SEMA4D: variants seen among roughly 807,000 people sequenced by gnomAD.
SEMA4D encodes the protein semaphorin-4D.
In SEMA4D, 22 loss-of-function variants were observed where a neutral mutation model predicts 74.8. The observed-to-expected ratio is 0.29, with a 90% CI of 0.21 to 0.42. The LOEUF (loss-of-function observed/expected upper bound fraction) is 0.42. Ranked by LOEUF, SEMA4D falls within the 10% of genes least tolerant of loss-of-function variation. The probability of loss-of-function intolerance (pLI) is 1.00; values close to 1 mark genes in which losing one functional copy is unlikely to be tolerated. For missense variants in SEMA4D, 937 were observed against 1,118.4 expected (o/e 0.84, Z 2.31); for synonymous variants, 445 against 463.7 (o/e 0.96, Z 0.52).
rs766668076 is a variant in SEMA4D at position 89,450,575 on chromosome 9, G to A, written c.-244+5313C>T. The A allele has an allele frequency of 5.0e-5, 46 of 924,700 alleles. 1 individual carries two copies. The South Asian group carries it at 5.8e-4, about 12-fold the overall frequency. The allele number at this position is 924,700 out of a possible 1,614,324, so 57.3% of individuals were successfully genotyped here. The stretch of plus-strand genomic sequence containing the variant: ...TGCAGATAACCAGTGGTCCCTTCCA[G>A]CCTGACCTCTATAAGTCTGAGATGA... On this transcript the variant is annotated intron_variant, in intron 2 of 15. Coordinates refer to ENST00000422704, the MANE Select transcript of SEMA4D (RefSeq NM_001371194.2).
At chr9:89,406,222 CAT>C (rs1320176930) in intron 2 of SEMA4D, among the ~76,000 whole-genome samples, 7 of 152,286 alleles carry the variant, frequency 4.6e-5, no homozygotes, top group East Asian at 1.9e-4. Context: ...TACACACACA[CAT>C]GCACGGATGT....
intron 16 of SEMA4D, among the ~76,000 whole-genome samples, chr9:89,372,050 C>CTG: frequency 1.4e-4 from 1 of 7,316 alleles, no homozygotes; most frequent in Non-Finnish European, 2.4e-4. Context: ...GTGTGTGTGT[C>CTG]GGGTGTGGTG....
intron 1 of SEMA4D, among the ~76,000 whole-genome samples, chr9:89,467,873 A>T (rs1163871378): frequency 6.6e-6 from 1 of 152,218 alleles, no homozygotes; most frequent in Non-Finnish European, 1.5e-5. Flanking sequence ...CCACAGCAGA[A>T]GCAGGGAGAG....
intron 2 of SEMA4D, among the ~76,000 whole-genome samples, chr9:89,421,142 T>TTAG (rs1245745971): frequency 6.6e-6 from 1 of 152,158 alleles, no homozygotes; most frequent in Non-Finnish European, 1.5e-5. Flanking sequence ...GAAGCAGGGC[T>TTAG]TAGGAACACT....
downstream of SEMA4D, among the ~76,000 whole-genome samples, chr9:89,375,249 G>A (rs1835633589): frequency 6.6e-6 from 1 of 152,208 alleles, no homozygotes; most frequent in South Asian, 2.1e-4. Flanking sequence ...ATGGAGACAT[G>A]AAGTCCTCTG....
At position 89,492,584 on chromosome 9, in the gene SEMA4D, T is replaced by C. The variant is rs755945545; in HGVS notation, c.-310+5335A>G. ...ACTATCTTGAGAGCCACACCATCCC[T>C]CTGAATCCTCACAACTCCTCCCCTG... On this transcript the variant is annotated intron_variant, in intron 1 of 15. Transcript: ENST00000422704. The surrounding 1 kb of genome is among the most constrained non-coding windows in gnomAD (Gnocchi z 4.3). Among the ~76,000 whole-genome samples, 4 of 152,074 alleles carry C rather than the reference T, an allele frequency of 2.6e-5. No individual in the cohort carries two copies. The highest frequency in any genetic ancestry group is 2.1e-4 in the South Asian group (1 of 4,828).
At chr9:89,471,595 T>TGCCAGCTCAGGTGCAC (rs144213209) in intron 1 of SEMA4D, among the ~76,000 whole-genome samples, 9,364 of 150,280 alleles carry the variant, frequency 0.062, 427 homozygotes, top group Admixed American at 0.15. Context: ...CTCAGATGCA[T>TGCCAGCTCAGGTGCAC]GCCAGCTCAG....
chr9:89,399,314 T>G lies in SEMA4D; in HGVS notation c.277A>C (p.Lys93Gln). ...HEVYWKVSEDKKAKCAEKGKS... is the reference protein window; with the variant it reads ...HEVYWKVSEDQKAKCAEKGKS... ...CCCTTTTCTGCACATTTTGCTTTTT[T>G]GTCTTCTGAGACCTTCCAATACACC... The change falls in exon 5 of 16, where the codon AAA becomes CAA. Residue 93 changes from lysine to glutamine, a missense_variant. Physicochemically the swap from Lys to Gln is moderately conservative, Grantham distance 53. Transcript: ENST00000422704. The G allele has an allele frequency of 6.2e-7, 1 of 1,613,834 alleles. No homozygotes were observed. Among genetic ancestry groups the G allele is most frequent in the Non-Finnish European group, 8.5e-7 (1 of 1,179,646 alleles).
chr9:89,497,211 C>G (rs1350949459), intron 1 of SEMA4D, among the ~76,000 whole-genome samples: 1 of 152,230 alleles, frequency 6.6e-6, no homozygotes, highest in East Asian at 1.9e-4. Context: ...AGAGCCAGCC[C>G]CTTGCAGCTC....
At chr9:89,374,873 C>T (rs913498364), downstream of SEMA4D, among the ~76,000 whole-genome samples, 2 of 152,034 alleles carry the variant, frequency 1.3e-5, no homozygotes, top group Non-Finnish European at 2.9e-5. Context: ...GCCAAGATGG[C>T]GAAACCCTGT....
At chr9:89,442,315 G>A (rs181421140) in intron 2 of SEMA4D, among the ~76,000 whole-genome samples, 24 of 152,346 alleles carry the variant, frequency 1.6e-4, no homozygotes, top group African/African-American at 5.3e-4. Context: ...CCACTGGCCC[G>A]CCTGTCAGAA....
intron 2 of SEMA4D, among the ~76,000 whole-genome samples, chr9:89,406,182 GCA>G (rs771135668): frequency 6.6e-6 from 1 of 152,140 alleles, no homozygotes; most frequent in Non-Finnish European, 1.5e-5. Flanking sequence ...GCACACACAT[GCA>G]CACACACAAC....
chr9:89,449,040 T>C (rs764527044), intron 2 of SEMA4D, among the ~76,000 whole-genome samples: 9 of 152,004 alleles, frequency 5.9e-5, no homozygotes, highest in Non-Finnish European at 1.2e-4. Flanking sequence ...CAGTGGCAAA[T>C]ACACTGTGTA....
At chr9:89,458,720 C>T (rs138125770) in intron 1 of SEMA4D, among the ~76,000 whole-genome samples, 5 of 152,036 alleles carry the variant, frequency 3.3e-5, no homozygotes, top group South Asian at 2.1e-4. Flanking sequence ...CATCCAAACA[C>T]GCACATCCAT....
rs765098084 is a variant in SEMA4D at position 89,363,954 on chromosome 9, G to A, written c.1883-4C>T. ...ACAAAGCGAATGTCTGCAGGACCTGGGGACACAGACCGTTTCCACCTCTGA... is the reference window on the plus strand; with the variant it reads ...ACAAAGCGAATGTCTGCAGGACCTGAGGACACAGACCGTTTCCACCTCTGA... On this transcript the variant is annotated splice_polypyrimidine_tract_variant and splice_region_variant and intron_variant, in intron 16 of 18. Coordinates refer to the SEMA4D transcript ENST00000339861. 14 of 1,614,038 alleles carry A rather than the reference G, an allele frequency of 8.7e-6. No homozygotes were observed. The Admixed American group carries it at 2.2e-4, about 25-fold the overall frequency.
intron 1 of SEMA4D, among the ~76,000 whole-genome samples, chr9:89,461,773 G>A (rs1395030432): frequency 6.8e-6 from 1 of 146,286 alleles, no homozygotes; most frequent in Non-Finnish European, 1.5e-5. Context: ...TGCGATCTCG[G>A]CTCACTGGAA....
chr9:89,391,115 A>G (rs1839770064), intron 9 of SEMA4D, 149 bp downstream of exon 9: 1 of 754,438 alleles, frequency 1.3e-6, no homozygotes, highest in Admixed American at 2.6e-5. Context: ...ACCCCCAGAA[A>G]TAAGATCCAT....
chr9:89,413,808 A>G (rs1461664871), intron 2 of SEMA4D, among the ~76,000 whole-genome samples: 1 of 151,622 alleles, frequency 6.6e-6, no homozygotes, highest in Non-Finnish European at 1.5e-5. Context: ...ATATACATGT[A>G]TGTGTGCACA....
At chr9:89,376,872 G>A (rs1413894420), downstream of SEMA4D, 2 of 1,550,826 alleles carry the variant, frequency 1.3e-6, no homozygotes, top group Non-Finnish European at 1.7e-6. Context: ...CCCAGGGCGT[G>A]CACGTGCTGT....
Sources: allele counts gnomAD v4.1 joint callset (sites outside exome capture counted in the v4.1 genomes callset), GRCh38; gene constraint gnomAD v4.1.1; non-coding constraint Gnocchi (gnomAD v3.1); transcripts MANE v1.5; gene names NCBI Gene and HGNC (gene_info 2026-07-23, HGNC 2026-07-21).